The following HK2 variants were observed in gnomAD, a reference collection of about 807,000 sequenced individuals.
The protein encoded by HK2 is hexokinase 2.
A neutral mutation model predicts 92.9 loss-of-function variants in HK2; 42 were observed. The ratio of observed to expected loss-of-function variants is 0.45; its 90% CI spans 0.35 to 0.58. The LOEUF (loss-of-function observed/expected upper bound fraction) is 0.58. Among genes scored for constraint, HK2 ranks in the 20% least tolerant of loss-of-function variants. The pLI, the probability that HK2 is intolerant of heterozygous loss-of-function variation, is 0.00. For synonymous variants in HK2, 422 were observed against 468.0 expected (o/e 0.90, Z 1.27); for missense variants, 978 against 1,245.1 (o/e 0.79, Z 3.23).
chr2:74,861,161 C>T (rs985946488), intron 2 of HK2, among the ~76,000 whole-genome samples: 2 of 152,162 alleles, frequency 1.3e-5, no homozygotes, highest in Non-Finnish European at 2.9e-5. Context: ...GGCACGGTGG[C>T]TTACGCCTGT....
intron 1 of HK2, among the ~76,000 whole-genome samples, chr2:74,850,538 C>T: frequency 6.6e-6 from 1 of 152,164 alleles, no homozygotes; most frequent in Non-Finnish European, 1.5e-5. Context: ...ACCCTAAGGG[C>T]CTTTCCTTTC....
At chr2:74,866,503 G>C (rs62146710) in intron 2 of HK2, among the ~76,000 whole-genome samples, 26,263 of 152,196 alleles carry the variant, frequency 0.17, 2,824 homozygotes, top group Admixed American at 0.31. Flanking sequence ...TGCAGGTTCC[G>C]CGCCTCTTCA....
chr2:74,875,854 A>G (rs1689217568), intron 7 of HK2, among the ~76,000 whole-genome samples: 1 of 152,152 alleles, frequency 6.6e-6, no homozygotes, highest in South Asian at 2.1e-4. Flanking sequence ...ATGTCAAAAG[A>G]CAAATTTGCC....
chr2:74,854,474 G>T lies in HK2; in HGVS notation c.226+19G>T. 1 of 1,613,806 alleles carries T rather than the reference G, an allele frequency of 6.2e-7. No individual in the cohort carries two copies. The highest frequency in any genetic ancestry group is 1.1e-5 in the South Asian group (1 of 91,048). ...GGGACAGGTACTGCATCTGGGGGAT[G>T]GCTCTAGCTGCTGCGTTACTCAGGG... is the stretch of plus-strand genomic sequence containing the variant. On this transcript the variant is annotated intron_variant, in intron 2 of 17. Coordinates refer to ENST00000290573, the MANE Select transcript of HK2 (RefSeq NM_000189.5).
At chr2:74,881,205 GA>G (rs1241916331) in intron 10 of HK2, among the ~76,000 whole-genome samples, 1 of 152,200 alleles carries the variant, frequency 6.6e-6, no homozygotes, top group Non-Finnish European at 1.5e-5. Context: ...GGCCTTTACA[GA>G]AAAAGATTTC....
In HK2 at chr2:74,885,529, A is replaced by G; in HGVS notation, c.1875A>G (p.Ala625=). ...TCAAGTGGACAAAAGGCTTCAAGGC[A>G]TCTGGCTGCGAGGGCGAGGACGTGG... ...ILLKWTKGFK[A]SGCEGEDVVT... is the part of the protein sequence containing the mutation. The change falls in exon 13 of 18, where the codon GCA becomes GCG. Residue 625 remains alanine (A), a synonymous_variant. Coordinates refer to ENST00000290573, the MANE Select transcript of HK2 (RefSeq NM_000189.5). 6.2e-7 allele frequency: 1 copy of G among 1,614,038 alleles called. No individual in the cohort carries two copies. The highest frequency in any genetic ancestry group is 8.5e-7 in the Non-Finnish European group (1 of 1,179,950).
In HK2 at chr2:74,834,464, C is replaced by T. The variant is rs1421985686; in HGVS notation, c.-117C>T. On this transcript the variant is annotated 5_prime_UTR_variant, in exon 1 of 18. Transcript: ENST00000290573. This position sits in a 1 kb window ranked among gnomAD's most constrained non-coding sequence, Gnocchi z 4.2. ...GCCTTCTTTGTGCGCCGTCCGGACT[C>T]CCAGCTCCCGGCCCGGCAGCCGAGC... The T allele has an allele frequency of 9.6e-7, 1 of 1,044,790 alleles. No individual in the cohort carries two copies. Among genetic ancestry groups the T allele is most frequent in the Non-Finnish European group, 1.5e-6 (1 of 680,486 alleles). The allele number at this position is 1,044,790 out of a possible 1,614,324, so 64.7% of individuals were successfully genotyped here. A position where few individuals can be genotyped will look rare whatever the true frequency, so the allele number is the denominator to read the frequency against.
At position 74,891,431 on chromosome 2, in the gene HK2, G is replaced by A. The variant is rs1689675152; in HGVS notation, c.*490G>A. The A allele has an allele frequency of 5.8e-6, 1 of 173,494 alleles. No individual in the cohort carries two copies. The highest frequency in any genetic ancestry group is 5.6e-5 in the Admixed American group (1 of 17,982). The allele number at this position is 173,494 out of a possible 1,614,324, so 10.7% of individuals were successfully genotyped here. On this transcript the variant is annotated 3_prime_UTR_variant, in exon 18 of 18. Transcript: ENST00000290573. ...TCCTATAGGCAGACGTGGGGAGGGT[G>A]GAGGGGTGACAGTGGAGGAAAATCC...
At chr2:74,877,374 G>T (rs1439447560) in intron 8 of HK2, 53 bp downstream of exon 8, 2 of 1,600,412 alleles carry the variant, frequency 1.2e-6, no homozygotes, top group African/African-American at 1.3e-5. Context: ...CGAGTTGACG[G>T]GTAGTTGGGG....
In HK2 at chr2:74,892,805, G is replaced by A. The variant is rs1689712800; in HGVS notation, c.*1864G>A. The A allele has an allele frequency of 6.6e-6, 1 of 152,136 alleles. No individual in the cohort carries two copies. Among genetic ancestry groups the A allele is most frequent in the African/African-American group, 2.4e-5 (1 of 41,410 alleles). The allele number at this position is 152,136 out of a possible 1,614,324, so 9.4% of individuals were successfully genotyped here. ...CAGGTCCTCCCGGGAGCACAGAGGG[G>A]CTAGGGGCTGGTCCTTCTCGTTTGC... On this transcript the variant is annotated 3_prime_UTR_variant, in exon 18 of 18. Transcript: ENST00000290573.
In HK2 at chr2:74,873,315, G is replaced by A. The variant is rs1490302187; in HGVS notation, c.535G>A (p.Gly179Arg). The A allele has an allele frequency of 6.2e-7, 1 of 1,613,998 alleles. No homozygotes were observed. Among genetic ancestry groups the A allele is most frequent in the African/African-American group, 1.3e-5 (1 of 74,950 alleles). Residue 179 changes from glycine to arginine, a missense_variant, in exon 5 of 18, where the codon GGA (glycine) becomes AGA (arginine). By Grantham distance (125) the Gly-to-Arg change is moderately radical (BLOSUM62 -2). Transcript: ENST00000290573. ...ATGGACCAAGGGATTCAAGTCCAGT[G>A]GAGTGGAAGGCAGAGACGTTGTGGC... ...VSWTKGFKSS[G>R]VEGRDVVALI...
chr2:74,888,737 T>G (rs951004594), intron 16 of HK2, among the ~76,000 whole-genome samples: 4 of 152,218 alleles, frequency 2.6e-5, no homozygotes, highest in African/African-American at 9.6e-5. Context: ...GCTTCTAAAA[T>G]AGCTTTCTTT....
At chr2:74,858,889 AG>A (rs3836188) in intron 2 of HK2, among the ~76,000 whole-genome samples, 26,363 of 152,222 alleles carry the variant, frequency 0.17, 2,872 homozygotes, top group East Asian at 0.32. Context: ...TGAACCCCGT[AG>A]GGGTGAAATG....
intron 2 of HK2, among the ~76,000 whole-genome samples, chr2:74,862,924 C>G (rs570864150): frequency 6.6e-6 from 1 of 152,326 alleles, no homozygotes; most frequent in African/African-American, 2.4e-5. Context: ...ATGATGAAAT[C>G]TGAGTGTCAG....
chr2:74,858,448 C>T (rs769230090), intron 2 of HK2, among the ~76,000 whole-genome samples: 2 of 152,100 alleles, frequency 1.3e-5, no homozygotes, highest in Non-Finnish European at 2.9e-5. Flanking sequence ...TGATGTGATC[C>T]TCTATTTCCT....
chr2:74,873,717 T>A (rs1689154442), intron 5 of HK2, 127 bp from the exon 6 acceptor site: 1 of 698,924 alleles, frequency 1.4e-6, no homozygotes, highest in African/African-American at 2.0e-5. Context: ...ACAGGAGGAG[T>A]TATGGGGAGG....
chr2:74,867,499 AAT>A (rs1688982465), intron 2 of HK2, 135 bp from the exon 3 acceptor site: 1 of 807,402 alleles, frequency 1.2e-6, no homozygotes, highest in Non-Finnish European at 2.2e-6. Context: ...GACTATATGT[AAT>A]GTCTGTAGAG....
intron 1 of HK2, among the ~76,000 whole-genome samples, chr2:74,843,335 A>G (rs1308431316): frequency 6.6e-6 from 1 of 152,056 alleles, no homozygotes; most frequent in Non-Finnish European, 1.5e-5. Flanking sequence ...GGGATTCTGC[A>G]TGTGCAACCC....
intron 2 of HK2, among the ~76,000 whole-genome samples, chr2:74,854,760 G>T (rs1688655475): frequency 6.6e-6 from 1 of 152,242 alleles, no homozygotes; most frequent in South Asian, 2.1e-4. Context: ...GTCCCACTGA[G>T]ATTGCACGCA....
Sources: gnomAD v4.1 joint callset for allele counts (sites outside exome capture counted in the v4.1 genomes callset) on GRCh38, gnomAD v4.1.1 for gene constraint, Gnocchi (gnomAD v3.1) non-coding constraint, MANE v1.5 for transcripts, NCBI Gene and HGNC (gene_info 2026-07-23, HGNC 2026-07-21) for gene names.